PTPN14: variants seen among roughly 807,000 people sequenced by gnomAD.
PTPN14 encodes the protein tyrosine-protein phosphatase non-receptor type 14.
A neutral mutation model predicts 126.8 loss-of-function variants in PTPN14; 53 were observed. That is an observed-to-expected ratio of 0.42 (90% CI 0.34 to 0.53). The LOEUF (loss-of-function observed/expected upper bound fraction) is 0.53, where lower values mean the gene tolerates loss of function less well. Ranked by LOEUF, PTPN14 falls within the 20% of genes least tolerant of loss-of-function variation. The pLI is 0.08. For synonymous variants in PTPN14, 630 were observed against 599.3 expected, an observed-to-expected ratio of 1.05 and a Z score of -0.75; for missense variants, 1,257 against 1,552.9, an observed-to-expected ratio of 0.81 and a Z score of 3.20.
Position 214,376,306 on chromosome 1 carries a change from A to C in PTPN14, c.2820T>G (p.Arg940=). The C allele has an allele frequency of 6.2e-7, 1 of 1,614,132 alleles. No individual in the cohort carries two copies. The highest frequency in any genetic ancestry group is 1.1e-5 in the South Asian group (1 of 91,080). The change falls in exon 15 of 19, where the codon CGT becomes CGG. Residue 940 remains arginine (R), a synonymous_variant. Transcript: ENST00000366956. ...GATTCTCCTCATAGGGGACAACTTC[A>C]CGGATTCGGCTGCGCTCGGCGTTTT... ...LPENAERSRI[R]EVVPYEENRV...
Position 214,494,105 on chromosome 1 carries a change from C to T in PTPN14, c.-154-29148G>A, listed in dbSNP as rs191373853. Among the ~76,000 whole-genome samples the T allele has an allele frequency of 8.5e-5, 13 of 152,192 alleles. 2 individuals carry two copies. The highest frequency in any genetic ancestry group is 8.5e-4 in the Admixed American group (13 of 15,294). The stretch of plus-strand genomic sequence containing the variant: ...TTTTCTTTTGAGACAGAGTCTCGCA[C>T]TGTCGCCCAGGCTGGAGTGCAGTGG... On this transcript the variant is annotated intron_variant, in intron 1 of 18. Coordinates refer to ENST00000366956, the MANE Select transcript of PTPN14 (RefSeq NM_005401.5).
intron 1 of PTPN14, among the ~76,000 whole-genome samples, chr1:214,483,873 G>A (rs1287402514): frequency 6.6e-6 from 1 of 152,082 alleles, no homozygotes; most frequent in Non-Finnish European, 1.5e-5. Context: ...ATAGAGATGG[G>A]CTTATTTAAC....
chr1:214,376,001 C>T (rs1401587506), intron 15 of PTPN14, among the ~76,000 whole-genome samples: 1 of 152,138 alleles, frequency 6.6e-6, no homozygotes, highest in Non-Finnish European at 1.5e-5. Context: ...AATCGCTGAC[C>T]TGAAGTTCTT....
At chr1:214,526,248 G>A (rs929923988) in intron 1 of PTPN14, among the ~76,000 whole-genome samples, 10 of 152,094 alleles carry the variant, frequency 6.6e-5, no homozygotes, top group Non-Finnish European at 1.5e-4. Context: ...TTACAGGCGT[G>A]AGCCACCACG....
intron 13 of PTPN14, among the ~76,000 whole-genome samples, chr1:214,379,363 C>T (rs142514277): frequency 3.9e-4 from 60 of 152,192 alleles, no homozygotes; most frequent in African/African-American, 1.4e-3. Flanking sequence ...ATTCTAATTG[C>T]GGGTGGGAGG....
chr1:214,530,925 A>G (rs1655530065), intron 1 of PTPN14: 1 of 152,172 alleles, frequency 6.6e-6, no homozygotes. Context: ...ATTAATATAA[A>G]ACATCCTCAT....
intron 7 of PTPN14, among the ~76,000 whole-genome samples, chr1:214,399,057 G>A (rs982360352): frequency 1.3e-5 from 2 of 152,204 alleles, no homozygotes; most frequent in African/African-American, 2.4e-5. Context: ...GTGAGCCACC[G>A]TGCCCGGCCT....
chr1:214,464,517 CA>C (rs1660583242), intron 2 of PTPN14, 112 bp downstream of exon 2: 6 of 1,402,520 alleles, frequency 4.3e-6, no homozygotes, highest in Non-Finnish European at 9.6e-7. Context: ...TCGCTTAGGC[CA>C]AAAAACACAA....
In PTPN14 at chr1:214,393,732, G is replaced by A; in HGVS notation, c.892C>T (p.Arg298Ter). ...TTGTTTTGTTTGTAAAACTTGTGTC[G>A]TGTGGCAAACAACCGAGAAATATAC... ...AKYISRLFAT[R>*]HKFYKQNKIC... Residue 298 changes from arginine to a stop codon, truncating the protein, a stop_gained, in exon 10 of 19, where the codon CGA (arginine) becomes TGA (stop). Coordinates refer to ENST00000366956, the MANE Select transcript of PTPN14 (RefSeq NM_005401.5). LOFTEE classifies it high-confidence loss of function. The A allele has an allele frequency of 2.5e-6, 4 of 1,604,270 alleles. No homozygotes were observed. Among genetic ancestry groups the A allele is most frequent in the Non-Finnish European group, 2.6e-6 (3 of 1,171,108 alleles).
chr1:214,508,425 C>T (rs1367005951), intron 1 of PTPN14, among the ~76,000 whole-genome samples: 1 of 152,022 alleles, frequency 6.6e-6, no homozygotes, highest in African/African-American at 2.4e-5. Context: ...TAAAAAGTAA[C>T]CCTCATCCTT....
At chr1:214,435,637 A>C (rs1471133961) in intron 3 of PTPN14, among the ~76,000 whole-genome samples, 1 of 152,264 alleles carries the variant, frequency 6.6e-6, no homozygotes, top group African/African-American at 2.4e-5. Flanking sequence ...GCCAACAAGC[A>C]TAAGAAAAAA....
rs139812889 is a variant in PTPN14, at chr1:214,410,018, T to C, written c.510+1666A>G. On this transcript the variant is annotated intron_variant, in intron 5 of 18. Transcript: ENST00000366956. ...TAGGGCTATTTGTTTTCTTGTTGAG[T>C]AGTTTGAGTTCCTTATATATTTTGA... 2.0e-3 allele frequency among the ~76,000 whole-genome samples: 302 copies of C among 152,270 alleles called. 1 individual carries two copies. Among genetic ancestry groups the C allele is most frequent in the Non-Finnish European group, 3.4e-3 (232 of 68,012 alleles).
At chr1:214,428,576 T>A (rs1659721480) in intron 3 of PTPN14, among the ~76,000 whole-genome samples, 1 of 152,228 alleles carries the variant, frequency 6.6e-6, no homozygotes, top group Non-Finnish European at 1.5e-5. Flanking sequence ...TGCCTATTTT[T>A]GTAAAAGAAC....
intron 3 of PTPN14, among the ~76,000 whole-genome samples, chr1:214,423,858 G>GT: frequency 6.6e-6 from 1 of 152,256 alleles, no homozygotes; most frequent in East Asian, 1.9e-4. Flanking sequence ...GCTCACGCCT[G>GT]TAATTCCAGC....
chr1:214,476,991 A>G (rs1660882236), intron 1 of PTPN14, among the ~76,000 whole-genome samples: 1 of 152,234 alleles, frequency 6.6e-6, no homozygotes, highest in African/African-American at 2.4e-5. Flanking sequence ...GCCAATTGTT[A>G]CAGAGCAGAG....
At position 214,368,287 on chromosome 1, in the gene PTPN14, C is replaced by T. The variant is rs1025481998; in HGVS notation, c.3271+1170G>A. ...GCAATGATGCAATCTTGGTTCACTC[C>T]GCCTCCCAGGTTCAAGCAATTTTCC... On this transcript the variant is annotated intron_variant, in intron 17 of 18. Transcript: ENST00000366956. Among the ~76,000 whole-genome samples the T allele has an allele frequency of 5.3e-5, 8 of 151,532 alleles. No individual in the cohort carries two copies. The South Asian group carries it at 8.4e-4, about 16-fold the overall frequency.
chr1:214,507,508 T>C (rs888825699), intron 1 of PTPN14, among the ~76,000 whole-genome samples: 2 of 152,214 alleles, frequency 1.3e-5, no homozygotes, highest in African/African-American at 2.4e-5. Flanking sequence ...TTTCAAGACA[T>C]ATATAGAACA....
rs759094686 is a variant in PTPN14 at position 214,383,451 on chromosome 1, C to A, written c.2404G>T (p.Ala802Ser). ...SRTDPPAVNG[A>S]SLGPSISEPD... ...TCCGAGATGGATGGGCCGAGAGAGG[C>A]CCCGTTGACAGCCGGCGGGTCAGTC... is the stretch of plus-strand genomic sequence containing the variant. Residue 802 changes from alanine to serine, a missense_variant, in exon 13 of 19, where the codon GCC becomes TCC. Ala to Ser is a moderately conservative substitution (Grantham distance 99, BLOSUM62 1). This residue lies in a region of PTPN14 where 1,021 missense variants were observed against 1,183.3 expected (regional missense o/e 0.86). Transcript: ENST00000366956. This position sits in a 1 kb window ranked among gnomAD's most constrained non-coding sequence, Gnocchi z 4.4. 16 of 1,614,142 alleles carry A rather than the reference C, an allele frequency of 9.9e-6. 1 individual carries two copies. The South Asian group carries it at 1.6e-4, about 17-fold the overall frequency.
chr1:214,446,928 ATGGCTG>A (rs1660157469), intron 3 of PTPN14, among the ~76,000 whole-genome samples: 1 of 152,208 alleles, frequency 6.6e-6, no homozygotes, highest in Non-Finnish European at 1.5e-5. Flanking sequence ...TTCAGCACAG[ATGGCTG>A]AATGGTTGCC....
Sources: gnomAD v4.1 joint callset for allele counts (sites outside exome capture counted in the v4.1 genomes callset) on GRCh38, gnomAD v4.1.1 for gene constraint, gnomAD v4.1.1 regional missense constraint, Gnocchi (gnomAD v3.1) non-coding constraint, MANE v1.5 for transcripts, NCBI Gene and HGNC (gene_info 2026-07-23, HGNC 2026-07-21) for gene names.